SMG6: variants seen among roughly 807,000 people sequenced by gnomAD.
The protein encoded by SMG6 is SMG6 nonsense mediated mRNA decay factor.
In SMG6, 66 loss-of-function variants were observed where a neutral mutation model predicts 142.2. The ratio of observed to expected loss-of-function variants is 0.46; its 90% CI spans 0.38 to 0.57. The LOEUF (loss-of-function observed/expected upper bound fraction) is 0.57. SMG6 is among the 20% of genes least tolerant of loss of function. The pLI, the probability that SMG6 is intolerant of heterozygous loss-of-function variation, is 0.00. For synonymous variants in SMG6, 779 were observed against 702.4 expected (o/e 1.11, Z -1.72); for missense variants, 1,793 against 1,832.0 (o/e 0.98, Z 0.39).
intron 13 of SMG6, among the ~76,000 whole-genome samples, chr17:2,120,375 G>A (rs57983946): frequency 3.9e-5 from 6 of 152,180 alleles, no homozygotes; most frequent in Non-Finnish European, 5.9e-5. Flanking sequence ...ATGGGAGGAA[G>A]ATGTGAAAAG....
At chr17:2,274,960 T>C (rs1270272198) in intron 8 of SMG6, among the ~76,000 whole-genome samples, 1 of 145,694 alleles carries the variant, frequency 6.9e-6, no homozygotes. Flanking sequence ...TATCTCCACA[T>C]ATTTAGCAAA....
chr17:2,111,568 C>T (rs529120726), intron 13 of SMG6, among the ~76,000 whole-genome samples: 210 of 152,216 alleles, frequency 1.4e-3, no homozygotes, highest in African/African-American at 4.2e-3. Flanking sequence ...CCTGCCACCA[C>T]GCCTGGCTAA....
intron 16 of SMG6, among the ~76,000 whole-genome samples, chr17:2,067,040 A>T (rs1325676330): frequency 2.0e-5 from 3 of 152,050 alleles, no homozygotes; most frequent in Non-Finnish European, 4.4e-5. Context: ...AGTAAACAGG[A>T]GCCCTCCTCT....
At chr17:2,243,128 T>C (rs9892016) in intron 9 of SMG6, among the ~76,000 whole-genome samples, 111,694 of 151,996 alleles carry the variant, frequency 0.73, 41,552 homozygotes, top group African/African-American at 0.79. Context: ...TGTCTCCACC[T>C]GTTATGTCTA....
chr17:2,087,832 C>T (rs547665193), intron 13 of SMG6: 2 of 985,888 alleles, frequency 2.0e-6, no homozygotes, highest in African/African-American at 1.7e-5. Flanking sequence ...GAAACTTCTG[C>T]ATTTCCACAA....
At chr17:2,089,951 AG>A (rs1466669137) in intron 13 of SMG6, among the ~76,000 whole-genome samples, 1 of 152,138 alleles carries the variant, frequency 6.6e-6, no homozygotes, top group East Asian at 1.9e-4. Context: ...TGGGAGGCCA[AG>A]GTGGGCAGAT....
At chr17:2,291,269 T>C (rs1302348725) in intron 6 of SMG6, among the ~76,000 whole-genome samples, 1 of 150,950 alleles carries the variant, frequency 6.6e-6, no homozygotes, top group Admixed American at 6.6e-5. Flanking sequence ...AGGCGGAGCT[T>C]GCCGTGAGCC....
chr17:2,265,644 G>T (rs2074408191), intron 8 of SMG6, among the ~76,000 whole-genome samples: 1 of 152,092 alleles, frequency 6.6e-6, no homozygotes, highest in African/African-American at 2.4e-5. Context: ...TCTGTAAAAG[G>T]TCACAGAAAA....
At chr17:2,064,189 C>T (rs1024452194) in intron 18 of SMG6, among the ~76,000 whole-genome samples, 9 of 152,136 alleles carry the variant, frequency 5.9e-5, no homozygotes, top group African/African-American at 2.2e-4. Flanking sequence ...CAAGAGACCA[C>T]TTATAGGTAG....
At chr17:2,228,516 C>A (rs534134591) in intron 10 of SMG6, among the ~76,000 whole-genome samples, 4 of 151,984 alleles carry the variant, frequency 2.6e-5, no homozygotes, top group African/African-American at 9.7e-5. Context: ...CGTGAGCCAT[C>A]GCGCCCGGCC....
intron 13 of SMG6, chr17:2,101,664 A>C (rs918432387): frequency 6.6e-6 from 1 of 152,172 alleles, no homozygotes; most frequent in African/African-American, 2.4e-5. Flanking sequence ...CACCCTTCGC[A>C]GCCACAGCGA....
intron 9 of SMG6, among the ~76,000 whole-genome samples, chr17:2,243,835 T>G (rs1336874527): frequency 6.6e-6 from 1 of 152,160 alleles, no homozygotes; most frequent in Non-Finnish European, 1.5e-5. Flanking sequence ...AATATTAGAA[T>G]CCAGTAGAAA....
intron 8 of SMG6, among the ~76,000 whole-genome samples, chr17:2,253,211 G>A (rs1040958011): frequency 5.3e-5 from 8 of 151,518 alleles, no homozygotes; most frequent in Admixed American, 1.3e-4. Context: ...GCGCGATCTC[G>A]GCTCACTCTA....
At chr17:2,213,371 G>T (rs1417608166) in intron 10 of SMG6, among the ~76,000 whole-genome samples, 2 of 152,208 alleles carry the variant, frequency 1.3e-5, no homozygotes, top group Non-Finnish European at 2.9e-5. Context: ...GAAGGGAAAT[G>T]TGCCACAGAT....
chr17:2,100,346 T>C (rs763188432), intron 13 of SMG6, among the ~76,000 whole-genome samples: 51 of 152,196 alleles, frequency 3.4e-4, no homozygotes, highest in Non-Finnish European at 6.2e-4. Context: ...CTAATCTTTG[T>C]ATTTTTTTTA....
intron 14 of SMG6, among the ~76,000 whole-genome samples, chr17:2,084,855 C>G (rs2068513513): frequency 6.6e-6 from 1 of 152,232 alleles, no homozygotes; most frequent in Non-Finnish European, 1.5e-5. Flanking sequence ...GAAATACCCA[C>G]ACCCAGACAC....
chr17:2,247,212 ACAAATGATGAAG>A (rs1309193049), intron 8 of SMG6, among the ~76,000 whole-genome samples: 2 of 152,198 alleles, frequency 1.3e-5, no homozygotes, highest in African/African-American at 4.8e-5. Flanking sequence ...TTCTCTCCTA[ACAAATGATGAAG>A]CAAGTGGTGA....
intron 10 of SMG6, among the ~76,000 whole-genome samples, chr17:2,198,950 TAAAAAAAAAAA>T (rs55660022): frequency 2.9e-5 from 3 of 102,152 alleles, no homozygotes; most frequent in Admixed American, 1.1e-4. Flanking sequence ...AAAATAAAAT[TAAAAAAAAAAA>T]AAAAAAAAAA....
chr17:2,074,071 A>G (rs1313562494), intron 15 of SMG6, among the ~76,000 whole-genome samples: 2 of 152,118 alleles, frequency 1.3e-5, no homozygotes, highest in Non-Finnish European at 2.9e-5. Context: ...TGATAAGAGC[A>G]AAACTCCATC....
Sources: allele counts gnomAD v4.1 joint callset (sites outside exome capture counted in the v4.1 genomes callset), GRCh38; gene constraint gnomAD v4.1.1; transcripts MANE v1.5; gene names NCBI Gene and HGNC (gene_info 2026-07-23, HGNC 2026-07-21).